GPHN: variants seen among roughly 807,000 people sequenced by gnomAD.
GPHN encodes the protein gephyrin.
GPHN carries 17 observed loss-of-function variants against 95.5 expected under a neutral mutation model. The ratio of observed to expected loss-of-function variants is 0.18; its 90% confidence interval spans 0.12 to 0.27. GPHN has a LOEUF of 0.27. Among genes scored for constraint, GPHN ranks in the 10% least tolerant of loss-of-function variants. The pLI is 1.00. For missense variants in GPHN, 660 were observed against 978.1 expected, an observed-to-expected ratio of 0.67 and a Z score of 4.34; for synonymous variants, 320 against 322.5, an observed-to-expected ratio of 0.99 and a Z score of 0.08.
chr14:67,349,253 GAA>G, the GPHN span: 1 of 740,426 alleles, frequency 1.4e-6, no homozygotes, highest in Non-Finnish European at 2.2e-6. Context: ...CAAAAAGGGA[GAA>G]AAGTCATTAC....
At chr14:67,175,952 C>T (rs2082916255) in intron 21 of GPHN, among the ~76,000 whole-genome samples, 2 of 152,168 alleles carry the variant, frequency 1.3e-5, no homozygotes, top group Admixed American at 6.5e-5. Flanking sequence ...GCTGAAGTTG[C>T]TTATCAGCTT....
chr14:67,272,357 A>G, the GPHN span, among the ~76,000 whole-genome samples: 1 of 151,808 alleles, frequency 6.6e-6, no homozygotes, highest in Admixed American at 6.6e-5. Context: ...TTATTTCTCC[A>G]TCTTGTCTTT....
chr14:67,646,887 A>G, the GPHN span: 1 of 1,489,988 alleles, frequency 6.7e-7, no homozygotes, highest in Non-Finnish European at 9.4e-7. Flanking sequence ...ATGCTCTTTA[A>G]ACTAAGGACT....
the GPHN span, among the ~76,000 whole-genome samples, chr14:67,318,538 T>C: frequency 2.6e-5 from 4 of 152,306 alleles, no homozygotes; most frequent in East Asian, 7.7e-4. Context: ...AGTCTATAAA[T>C]TAAAATGCTA....
At chr14:66,910,636 A>G (rs1204265405) in intron 5 of GPHN, among the ~76,000 whole-genome samples, 1 of 151,986 alleles carries the variant, frequency 6.6e-6, no homozygotes, top group Non-Finnish European at 1.5e-5. Flanking sequence ...ACACACACAT[A>G]TGTATATATA....
chr14:66,999,962 T>A (rs1465735727), intron 9 of GPHN, among the ~76,000 whole-genome samples: 1 of 151,860 alleles, frequency 6.6e-6, no homozygotes, highest in Non-Finnish European at 1.5e-5. Context: ...TTTACAGCCT[T>A]ATCTTTAATG....
Position 66,895,975 on chromosome 14 carries a change from A to C in GPHN, c.389+15942A>C, listed in dbSNP as rs527896883. Among the ~76,000 whole-genome samples, 586 of 152,284 alleles carry C rather than the reference A, an allele frequency of 3.8e-3. 1 individual carries two copies. The highest frequency in any genetic ancestry group is 4.7e-3 in the Non-Finnish European group (322 of 68,014). On this transcript the variant is annotated intron_variant, in intron 5 of 22. Transcript: ENST00000478722. ...TTGCTTACAGTTCTGGGGGCTGGGA[A>C]GTCCACAATCAAGGTGCCCGCAGAT...
chr14:66,529,603 T>C (rs1566550648), intron 1 of GPHN, among the ~76,000 whole-genome samples: 3 of 152,208 alleles, frequency 2.0e-5, no homozygotes, highest in Non-Finnish European at 4.4e-5. Context: ...TTTGTGGATT[T>C]ATCTACCTTT....
chr14:66,543,170 C>G (rs971582244), intron 1 of GPHN, among the ~76,000 whole-genome samples: 3 of 152,020 alleles, frequency 2.0e-5, no homozygotes, highest in Non-Finnish European at 4.4e-5. Context: ...TCCAATCACC[C>G]CCTACCAGGC....
At chr14:67,215,283 G>A in the GPHN span, among the ~76,000 whole-genome samples, 1 of 152,132 alleles carries the variant, frequency 6.6e-6, no homozygotes, top group African/African-American at 2.4e-5. Flanking sequence ...AGGACTAGGA[G>A]CTCAAAAAGA....
At chr14:66,896,916 A>G (rs1040570978) in intron 5 of GPHN, among the ~76,000 whole-genome samples, 12 of 152,080 alleles carry the variant, frequency 7.9e-5, no homozygotes, top group African/African-American at 2.9e-4. Context: ...CCCATAGAAC[A>G]CTGCTTAGTT....
chr14:67,727,421 T>C, the GPHN span: 1 of 521,026 alleles, frequency 1.9e-6, no homozygotes, highest in Non-Finnish European at 3.5e-6. Flanking sequence ...TCACATCTTA[T>C]CTCTTATCTC....
the GPHN span, chr14:67,303,695 C>T: frequency 1.2e-6 from 1 of 802,548 alleles, no homozygotes. Flanking sequence ...GTTTCCTGTA[C>T]TCAAATAAAT....
intron 1 of GPHN, among the ~76,000 whole-genome samples, chr14:66,515,962 C>T (rs1443670833): frequency 1.3e-5 from 2 of 151,910 alleles, no homozygotes; most frequent in African/African-American, 4.8e-5. Context: ...AAGTAGATAA[C>T]AAGTACAAGC....
intron 3 of GPHN, among the ~76,000 whole-genome samples, chr14:66,817,082 G>T (rs1596003862): frequency 1.3e-5 from 2 of 151,888 alleles, no homozygotes; most frequent in South Asian, 4.2e-4. Context: ...TCTTAAAAAG[G>T]GTATACGATC....
intron 18 of GPHN, among the ~76,000 whole-genome samples, chr14:67,156,383 TA>T (rs993504961): frequency 6.6e-6 from 1 of 152,108 alleles, no homozygotes; most frequent in African/African-American, 2.4e-5. Flanking sequence ...GCATGAAAGG[TA>T]GAAAGGCATA....
At chr14:67,235,285 G>A in the GPHN span, among the ~76,000 whole-genome samples, 1 of 152,116 alleles carries the variant, frequency 6.6e-6, no homozygotes, top group Non-Finnish European at 1.5e-5. Flanking sequence ...AGCTTGGTGA[G>A]GAAAAGATAT....
chr14:66,931,766 C>G (rs921018487), intron 8 of GPHN, among the ~76,000 whole-genome samples: 1 of 152,176 alleles, frequency 6.6e-6, no homozygotes, highest in Non-Finnish European at 1.5e-5. Context: ...AGTTCATTCT[C>G]TGTGTTATCT....
chr14:67,368,484 A>C, the GPHN span, among the ~76,000 whole-genome samples: 1 of 152,114 alleles, frequency 6.6e-6, no homozygotes, highest in Non-Finnish European at 1.5e-5. Flanking sequence ...GTTACTACTA[A>C]TAATATTAAT....
Sources: gnomAD v4.1 joint callset for allele counts (sites outside exome capture counted in the v4.1 genomes callset) on GRCh38, gnomAD v4.1.1 for gene constraint, MANE v1.5 for transcripts, NCBI Gene and HGNC (gene_info 2026-07-23, HGNC 2026-07-21) for gene names.